The following SPART variants were observed in gnomAD, a reference collection of about 807,000 sequenced individuals.
The protein encoded by SPART is spartin.
SPART carries 35 observed loss-of-function variants against 58.7 expected under a neutral mutation model. The ratio of observed to expected loss-of-function variants is 0.60; its 90% CI spans 0.46 to 0.79. The LOEUF (loss-of-function observed/expected upper bound fraction) is 0.79, where lower values mean the gene tolerates loss of function less well. SPART is among the 30% of genes least tolerant of loss of function. The pLI, the probability that SPART is intolerant of heterozygous loss-of-function variation, is 0.00. For missense variants in SPART, 730 were observed against 786.1 expected, an observed-to-expected ratio of 0.93 and a Z score of 0.85; for synonymous variants, 284 against 280.7, an observed-to-expected ratio of 1.01 and a Z score of -0.12.
chr13:36,339,779 C>A (rs1304318676), intron 1 of SPART, among the ~76,000 whole-genome samples: 1 of 151,866 alleles, frequency 6.6e-6, no homozygotes, highest in East Asian at 1.9e-4. Context: ...TTTAAAAAGA[C>A]CAACAGGTTG....
intron 8 of SPART, among the ~76,000 whole-genome samples, chr13:36,306,192 C>A (rs1291835116): frequency 6.6e-6 from 1 of 152,204 alleles, no homozygotes; most frequent in Non-Finnish European, 1.5e-5. Context: ...AGAAAAACTT[C>A]CTACAACTGC....
rs1170014600 is a variant in SPART at position 36,315,846 on chromosome 13, TAAGA to T, written c.1289-1429_1289-1426del. Among the ~76,000 whole-genome samples, 8 of 152,226 alleles carry T rather than the reference TAAGA, an allele frequency of 5.3e-5. No homozygotes were observed. The South Asian group carries it at 1.0e-3, about 20-fold the overall frequency. On this transcript the variant is annotated intron_variant, in intron 5 of 8. Transcript: ENST00000438666. The stretch of plus-strand genomic sequence containing the variant: ...AGACTATAATCCTATAATGAAATTA[TAAGA>T]AATAACAGGGATGAAGTCAAATGAT...
intron 1 of SPART, among the ~76,000 whole-genome samples, chr13:36,359,864 G>GTA (rs1885768424): frequency 7.1e-6 from 1 of 141,482 alleles, no homozygotes; most frequent in Non-Finnish European, 1.5e-5. Flanking sequence ...GAGCCAGTAT[G>GTA]TATAGGGCAT....
At chr13:36,314,959 C>G (rs1881532198) in intron 5 of SPART, among the ~76,000 whole-genome samples, 1 of 152,192 alleles carries the variant, frequency 6.6e-6, no homozygotes, top group Non-Finnish European at 1.5e-5. Context: ...GGTCCTGTTC[C>G]TTCCTGAATC....
At chr13:36,367,662 T>C (rs536069878) in intron 1 of SPART, among the ~76,000 whole-genome samples, 2 of 152,286 alleles carry the variant, frequency 1.3e-5, no homozygotes, top group South Asian at 2.1e-4. Context: ...TGTAAGCTTC[T>C]CTTGGAACAG....
At chr13:36,348,607 TATCAAG>T (rs1218970261), upstream of SPART, among the ~76,000 whole-genome samples, 6 of 152,042 alleles carry the variant, frequency 3.9e-5, no homozygotes, top group Admixed American at 3.3e-4. Context: ...TTCATAATAT[TATCAAG>T]AAGAATAAAA....
intron 1 of SPART, among the ~76,000 whole-genome samples, chr13:36,337,341 T>C (rs1020836251): frequency 6.6e-6 from 1 of 152,172 alleles, no homozygotes; most frequent in Non-Finnish European, 1.5e-5. Flanking sequence ...GTAGCTGATA[T>C]GGTTTGGCGA....
intron 2 of SPART, among the ~76,000 whole-genome samples, chr13:36,334,716 C>T (rs9575929): frequency 0.25 from 37,589 of 151,906 alleles, 5,020 homozygotes; most frequent in East Asian, 0.51. Context: ...AAATCCCTTT[C>T]GAAATTAAAC....
chr13:36,350,611 A>C (rs1350160452), upstream of SPART, among the ~76,000 whole-genome samples: 2 of 150,234 alleles, frequency 1.3e-5, no homozygotes, highest in Admixed American at 1.3e-4. Context: ...TTAACTTCTA[A>C]CTTTTCTCCC....
rs1880006312 is a variant in SPART at position 36,301,736 on chromosome 13, C to A, written c.*2629G>T. On this transcript the variant is annotated 3_prime_UTR_variant, in exon 9 of 9. Transcript: ENST00000438666. ...GAGAATATCATCATTTTGGAAAATA[C>A]CTGGCATTATTTTGCAAAACTTGAC... The A allele has an allele frequency of 6.6e-6, 1 of 152,060 alleles. No homozygotes were observed. Among genetic ancestry groups the A allele is most frequent in the South Asian group, 2.1e-4 (1 of 4,830 alleles). The allele number at this position is 152,060 out of a possible 1,614,324, so 9.4% of individuals were successfully genotyped here.
chr13:36,325,233 G>C (rs1882813934), intron 5 of SPART, among the ~76,000 whole-genome samples: 1 of 152,154 alleles, frequency 6.6e-6, no homozygotes, highest in Non-Finnish European at 1.5e-5. Context: ...ATGCTTAGCA[G>C]CCTATAAAGT....
At chr13:36,318,989 G>C (rs1411374145) in intron 5 of SPART, among the ~76,000 whole-genome samples, 3 of 152,060 alleles carry the variant, frequency 2.0e-5, no homozygotes, top group African/African-American at 7.2e-5. Context: ...CTCTAACAGT[G>C]GAAGGTAAGC....
Position 36,314,427 on chromosome 13 carries a change from T to A in SPART, c.1289-6A>T, listed in dbSNP as rs765534256. The A allele has an allele frequency of 3.1e-6, 5 of 1,613,986 alleles. No individual in the cohort carries two copies. The South Asian group carries it at 5.5e-5, about 18-fold the overall frequency. ...CCAACTCACCCAGGAAGCACCTTTT[T>A]AAAAGAAAATTTAAAATTGCACAAT... On this transcript the variant is annotated splice_region_variant and splice_polypyrimidine_tract_variant and intron_variant, in intron 5 of 8. Transcript: ENST00000438666.
intron 3 of SPART, 143 bp from the exon 4 acceptor site, chr13:36,329,660 T>C: frequency 1.3e-6 from 1 of 797,304 alleles, no homozygotes. Flanking sequence ...TTTTGCTTTT[T>C]TCTCTACGAT....
At chr13:36,329,665 T>C (rs1883280861) in intron 3 of SPART, 148 bp from the exon 4 acceptor site, 1 of 800,306 alleles carries the variant, frequency 1.2e-6, no homozygotes, top group Non-Finnish European at 2.0e-6. Flanking sequence ...CTTTTTTCTC[T>C]ACGATTCTCT....
rs1566100983 is a variant in SPART at position 36,302,369 on chromosome 13, G to C, written c.*1996C>G. On this transcript the variant is annotated 3_prime_UTR_variant, in exon 9 of 9. Transcript: ENST00000438666. ...CACACTTTTTCTGCAAAGGGCCAGAGAGTGAATAAGTTAGGCTTGTGGACC... is the reference window on the plus strand; with the variant it reads ...CACACTTTTTCTGCAAAGGGCCAGACAGTGAATAAGTTAGGCTTGTGGACC... The C allele has an allele frequency of 6.6e-6, 1 of 152,186 alleles. No individual in the cohort carries two copies. The allele number at this position is 152,186 out of a possible 1,614,324, so 9.4% of individuals were successfully genotyped here.
chr13:36,305,281 C>T (rs1247426560), intron 8 of SPART, among the ~76,000 whole-genome samples: 3 of 152,086 alleles, frequency 2.0e-5, no homozygotes, highest in Non-Finnish European at 4.4e-5. Context: ...CATTATCTAA[C>T]CTGTTTAAAT....
intron 8 of SPART, among the ~76,000 whole-genome samples, chr13:36,311,741 T>C (rs1881129172): frequency 6.6e-6 from 1 of 152,202 alleles, no homozygotes; most frequent in Admixed American, 6.5e-5. Flanking sequence ...AATTATTTTA[T>C]CAGATACTTA....
At chr13:36,336,055 T>C (rs183057759) in intron 1 of SPART, among the ~76,000 whole-genome samples, 2 of 152,342 alleles carry the variant, frequency 1.3e-5, no homozygotes, top group East Asian at 3.9e-4. Flanking sequence ...GTCCAAAATA[T>C]CTTAATTTAA....
Sources: gnomAD v4.1 joint callset for allele counts (sites outside exome capture counted in the v4.1 genomes callset) on GRCh38, gnomAD v4.1.1 for gene constraint, MANE v1.5 for transcripts, NCBI Gene and HGNC (gene_info 2026-07-23, HGNC 2026-07-21) for gene names.